DRAM1: variants seen among roughly 807,000 people sequenced by gnomAD.
DRAM1 encodes the protein DNA damage-regulated autophagy modulator protein 1.
Under a neutral mutation model 28.5 loss-of-function variants are expected in DRAM1, and 25 were observed. The ratio of observed to expected loss-of-function variants is 0.88; its 90% CI spans 0.64 to 1.23. The LOEUF (loss-of-function observed/expected upper bound fraction) is 1.23, where lower values mean the gene tolerates loss of function less well. Among genes scored for constraint, DRAM1 ranks in the 50% most tolerant of loss-of-function variants. DRAM1 has a pLI of 0.00. For missense variants in DRAM1, 249 were observed against 299.2 expected (o/e 0.83, Z 1.24); for synonymous variants, 113 against 114.2 (o/e 0.99, Z 0.07).
At chr12:101,897,962 A>G (rs1873448819) in intron 2 of DRAM1, 32 bp downstream of exon 2, 1 of 1,268,518 alleles carries the variant, frequency 7.9e-7, no homozygotes, top group African/African-American at 1.5e-5. Context: ...TAAATAATTG[A>G]AAAGCTCACA....
At chr12:101,892,327 C>G (rs1461987158) in intron 1 of DRAM1, among the ~76,000 whole-genome samples, 1 of 151,656 alleles carries the variant, frequency 6.6e-6, no homozygotes, top group Non-Finnish European at 1.5e-5. Flanking sequence ...CCTCCACCTC[C>G]TGGGTTCAAG....
At chr12:101,908,508 C>CATTGGCAAGTGCGAATCT in intron 4 of DRAM1, 145 bp downstream of exon 4, 1 of 799,988 alleles carries the variant, frequency 1.3e-6, no homozygotes, top group South Asian at 1.9e-5. Flanking sequence ...CTGAATACAG[C>CATTGGCAAGTGCGAATCT]ATTGGCAAGT....
chr12:101,881,009 G>A (rs566909171), intron 1 of DRAM1, among the ~76,000 whole-genome samples: 2 of 152,110 alleles, frequency 1.3e-5, no homozygotes, highest in African/African-American at 2.4e-5. Flanking sequence ...CTGAGCAGCC[G>A]GAGCACTGGA....
intron 1 of DRAM1, among the ~76,000 whole-genome samples, chr12:101,881,539 A>G (rs144411974): frequency 1.2e-4 from 18 of 151,462 alleles, no homozygotes; most frequent in African/African-American, 3.9e-4. Context: ...CTCTACCCCT[A>G]CTCTTTGTAC....
At chr12:101,914,585 C>T (rs372716841) in intron 5 of DRAM1, among the ~76,000 whole-genome samples, 9 of 151,110 alleles carry the variant, frequency 6.0e-5, no homozygotes, top group African/African-American at 2.2e-4. Flanking sequence ...CAGGCTCAAG[C>T]GATTCTCCTG....
At chr12:101,896,571 C>T (rs1594299345) in intron 1 of DRAM1, among the ~76,000 whole-genome samples, 1 of 152,116 alleles carries the variant, frequency 6.6e-6, no homozygotes, top group East Asian at 1.9e-4. Flanking sequence ...CAAAACCAGC[C>T]TGGGTAACAT....
intron 5 of DRAM1, among the ~76,000 whole-genome samples, chr12:101,919,731 C>G (rs1874402860): frequency 6.6e-6 from 1 of 152,178 alleles, no homozygotes; most frequent in Non-Finnish European, 1.5e-5. Flanking sequence ...TAAGCATAGC[C>G]TTACACTTAG....
chr12:101,917,290 C>T (rs1874282504), intron 5 of DRAM1, among the ~76,000 whole-genome samples: 2 of 152,170 alleles, frequency 1.3e-5, no homozygotes, highest in Non-Finnish European at 2.9e-5. Context: ...GAGGAGACAG[C>T]AGGATTTCCC....
chr12:101,877,789 G>C lies in DRAM1; in HGVS notation c.-1G>C. 1 of 1,499,134 alleles carries C rather than the reference G, an allele frequency of 6.7e-7. No homozygotes were observed. The highest frequency in any genetic ancestry group is 1.8e-4 in the Middle Eastern group (1 of 5,668). 92.9% of individuals were successfully genotyped at this position (1,499,134 alleles called of 1,614,324 possible). On this transcript the variant is annotated 5_prime_UTR_variant, in exon 1 of 7. Coordinates refer to ENST00000258534, the MANE Select transcript of DRAM1 (RefSeq NM_018370.3). This position sits in a 1 kb window ranked among gnomAD's most constrained non-coding sequence, Gnocchi z 4.1. The stretch of plus-strand genomic sequence containing the variant: ...ACTCCGTCGGCGGCGGCGGCGGCGC[G>C]ATGCTGTGCTTCCTGAGGGGAATGG...
chr12:101,908,625 T>G (rs1158262590), intron 4 of DRAM1, among the ~76,000 whole-genome samples: 1 of 151,986 alleles, frequency 6.6e-6, no homozygotes, highest in Non-Finnish European at 1.5e-5. Flanking sequence ...AACAGGATTC[T>G]TATTGAGTAC....
At chr12:101,883,313 G>GAATA (rs1209547899) in intron 1 of DRAM1, among the ~76,000 whole-genome samples, 2 of 83,852 alleles carry the variant, frequency 2.4e-5, no homozygotes, top group African/African-American at 1.2e-4. Context: ...TACCCAAATA[G>GAATA]GTTTTTTTTT....
chr12:101,885,351 A>G (rs1872847507), intron 1 of DRAM1, among the ~76,000 whole-genome samples: 1 of 152,110 alleles, frequency 6.6e-6, no homozygotes, highest in Non-Finnish European at 1.5e-5. Context: ...GACTTTCAGT[A>G]GCTCAAATCG....
At chr12:101,903,908 T>C (rs1873690217) in intron 3 of DRAM1, among the ~76,000 whole-genome samples, 1 of 133,050 alleles carries the variant, frequency 7.5e-6, no homozygotes, top group Admixed American at 8.1e-5. Context: ...ACCGTGCCTC[T>C]GGAAACACAC....
At chr12:101,889,961 A>G in intron 1 of DRAM1, 1 of 383,174 alleles carries the variant, frequency 2.6e-6, no homozygotes, top group Admixed American at 3.7e-5. Context: ...AAAAAAAAAA[A>G]AGATGCCAGT....
chr12:101,909,044 C>T (rs979280458), intron 4 of DRAM1, among the ~76,000 whole-genome samples: 1 of 151,566 alleles, frequency 6.6e-6, no homozygotes, highest in African/African-American at 2.4e-5. Context: ...GGTGGATCAC[C>T]TGAGGTTGAG....
chr12:101,891,095 A>G (rs1365955428), intron 1 of DRAM1, among the ~76,000 whole-genome samples: 1 of 152,206 alleles, frequency 6.6e-6, no homozygotes, highest in African/African-American at 2.4e-5. Context: ...AGCTGCCAGA[A>G]AGTTAGCTCT....
chr12:101,877,770 T>G lies in DRAM1; in HGVS notation c.-20T>G, dbSNP rs944067150. The G allele has an allele frequency of 3.2e-5, 48 of 1,477,386 alleles. No homozygotes were observed. The highest frequency in any genetic ancestry group is 4.0e-5 in the Non-Finnish European group (44 of 1,109,936). The allele number at this position is 1,477,386 out of a possible 1,614,324, so 91.5% of individuals were successfully genotyped here. On this transcript the variant is annotated 5_prime_UTR_variant, in exon 1 of 7. Coordinates refer to ENST00000258534, the MANE Select transcript of DRAM1 (RefSeq NM_018370.3). This position sits in a 1 kb window ranked among gnomAD's most constrained non-coding sequence, Gnocchi z 4.1. ...CGGCCCCGCTGGGCGCAGCACTCCG[T>G]CGGCGGCGGCGGCGGCGCGATGCTG...
intron 5 of DRAM1, among the ~76,000 whole-genome samples, chr12:101,919,169 G>A (rs1874374444): frequency 6.6e-6 from 1 of 151,868 alleles, no homozygotes; most frequent in Non-Finnish European, 1.5e-5. Flanking sequence ...GCCTTCCAAA[G>A]TGCTGAGATT....
In DRAM1 at chr12:101,895,883, T is replaced by C. The variant is rs973576366; in HGVS notation, c.132-1980T>C. ...CCGCGCCTGGTCGTAAGGGAGGCTA[T>C]TAACTTCTTTTTCTTTTTTTTGAGA... On this transcript the variant is annotated intron_variant, in intron 1 of 6. Transcript: ENST00000258534. 2.0e-5 allele frequency among the ~76,000 whole-genome samples: 3 copies of C among 151,648 alleles called. No homozygotes were observed. The East Asian group carries it at 5.8e-4, about 29-fold the overall frequency.
Sources: allele counts gnomAD v4.1 joint callset (sites outside exome capture counted in the v4.1 genomes callset), GRCh38; gene constraint gnomAD v4.1.1; non-coding constraint Gnocchi (gnomAD v3.1); transcripts MANE v1.5; gene names NCBI Gene and HGNC (gene_info 2026-07-23, HGNC 2026-07-21).